The following GUCY1A2 variants were observed in gnomAD, a reference collection of about 807,000 sequenced individuals.
GUCY1A2 encodes the protein guanylate cyclase soluble subunit alpha-2.
In GUCY1A2, 27 loss-of-function variants were observed where a neutral mutation model predicts 63.5. The ratio of observed to expected loss-of-function variants is 0.43; its 90% CI spans 0.31 to 0.59. The LOEUF (loss-of-function observed/expected upper bound fraction) is 0.59, where lower values mean the gene tolerates loss of function less well. Ranked by LOEUF, GUCY1A2 falls within the 20% of genes least tolerant of loss-of-function variation. The pLI, the probability that GUCY1A2 is intolerant of heterozygous loss-of-function variation, is 0.11. For synonymous variants in GUCY1A2, 364 were observed against 343.5 expected (o/e 1.06, Z -0.66); for missense variants, 768 against 913.3 (o/e 0.84, Z 2.05).
At position 106,916,423 on chromosome 11, in the gene GUCY1A2, T is replaced by C. The variant is rs180880451; in HGVS notation, c.1206+23037A>G. On this transcript the variant is annotated intron_variant, in intron 4 of 7. Coordinates refer to ENST00000526355, the MANE Select transcript of GUCY1A2 (RefSeq NM_000855.3). ...CTATCTCATTTGGTTGTTGAGAGTA[T>C]TAAATATAAGTAAGAAATCAAAGCA... is the stretch of plus-strand genomic sequence containing the variant. 1.4e-5 allele frequency among the ~76,000 whole-genome samples: 2 copies of C among 145,434 alleles called. 1 individual carries two copies.
At chr11:106,948,166 T>C (rs1015892339) in intron 3 of GUCY1A2, among the ~76,000 whole-genome samples, 2 of 152,156 alleles carry the variant, frequency 1.3e-5, no homozygotes, top group African/African-American at 2.4e-5. Context: ...CTGCAAAGTT[T>C]TTAAAATATT....
chr11:106,913,371 GC>G (rs1860322615), intron 4 of GUCY1A2, among the ~76,000 whole-genome samples: 1 of 152,112 alleles, frequency 6.6e-6, no homozygotes. Context: ...AAGGAGAACT[GC>G]CATGTGCAGT....
intron 5 of GUCY1A2, among the ~76,000 whole-genome samples, chr11:106,786,271 A>T (rs570431130): frequency 0.014 from 2,119 of 152,024 alleles, 26 homozygotes; most frequent in Middle Eastern, 0.051. Context: ...TTCTTTCTTT[A>T]AAAAAAAATT....
At chr11:106,928,125 A>C (rs1361374548) in intron 4 of GUCY1A2, among the ~76,000 whole-genome samples, 2 of 152,316 alleles carry the variant, frequency 1.3e-5, no homozygotes, top group Admixed American at 1.3e-4. Context: ...ATGAAAATGC[A>C]AGCTGCCATA....
chr11:106,896,696 C>T (rs1052704728), intron 4 of GUCY1A2, among the ~76,000 whole-genome samples: 2 of 152,194 alleles, frequency 1.3e-5, no homozygotes, highest in South Asian at 4.1e-4. Context: ...CAGCATTCTT[C>T]TCCTCTCAAA....
intron 1 of GUCY1A2, among the ~76,000 whole-genome samples, chr11:107,008,876 T>G (rs891582954): frequency 3.3e-5 from 5 of 152,290 alleles, no homozygotes; most frequent in African/African-American, 1.2e-4. Context: ...AGCATAGACA[T>G]AAAGCAACAA....
At chr11:106,984,553 C>CA (rs1259936857) in intron 2 of GUCY1A2, among the ~76,000 whole-genome samples, 1 of 152,004 alleles carries the variant, frequency 6.6e-6, no homozygotes, top group Admixed American at 6.6e-5. Flanking sequence ...TACTTTAGTT[C>CA]AAAAATGAGA....
intron 4 of GUCY1A2, among the ~76,000 whole-genome samples, chr11:106,924,825 T>G (rs1434571439): frequency 3.3e-5 from 5 of 151,856 alleles, no homozygotes; most frequent in African/African-American, 1.2e-4. Flanking sequence ...GCCAACATGG[T>G]GAAACCCCAT....
intron 3 of GUCY1A2, among the ~76,000 whole-genome samples, chr11:106,971,440 G>C (rs1203371097): frequency 6.6e-6 from 1 of 152,028 alleles, no homozygotes; most frequent in Non-Finnish European, 1.5e-5. Flanking sequence ...CTGTATTTTA[G>C]TTGATAAAAT....
At chr11:106,802,990 C>A (rs61905198) in intron 5 of GUCY1A2, among the ~76,000 whole-genome samples, 1 of 152,024 alleles carries the variant, frequency 6.6e-6, no homozygotes, top group Admixed American at 6.6e-5. Context: ...AATTAAATAT[C>A]GATAGGGACA....
chr11:106,712,046 C>T (rs1018676990), intron 6 of GUCY1A2, among the ~76,000 whole-genome samples: 1 of 151,506 alleles, frequency 6.6e-6, no homozygotes, highest in Non-Finnish European at 1.5e-5. Flanking sequence ...GTTTGTTGAG[C>T]TCTTGGATCT....
At chr11:106,744,834 C>G (rs748061414) in intron 6 of GUCY1A2, among the ~76,000 whole-genome samples, 55 of 152,126 alleles carry the variant, frequency 3.6e-4, no homozygotes, top group Non-Finnish European at 2.1e-4. Flanking sequence ...TTGGTGGGTA[C>G]TCATGTTGTC....
chr11:106,842,485 CCTATATTT>C (rs1859213161), intron 4 of GUCY1A2, among the ~76,000 whole-genome samples: 1 of 152,000 alleles, frequency 6.6e-6, no homozygotes, highest in Admixed American at 6.6e-5. Context: ...ATTCTATATT[CCTATATTT>C]CTATAAGACT....
intron 4 of GUCY1A2, among the ~76,000 whole-genome samples, chr11:106,848,987 A>G (rs541806453): frequency 1.3e-5 from 2 of 151,788 alleles, no homozygotes; most frequent in African/African-American, 2.4e-5. Context: ...TCTATTTCAC[A>G]GAGCTACCAT....
chr11:106,924,841 C>A (rs1174129679), intron 4 of GUCY1A2, among the ~76,000 whole-genome samples: 1 of 151,808 alleles, frequency 6.6e-6, no homozygotes, highest in African/African-American at 2.4e-5. Flanking sequence ...CCCATCTCTA[C>A]AAAAAATACA....
At chr11:106,776,076 T>G (rs1240111597) in intron 6 of GUCY1A2, among the ~76,000 whole-genome samples, 1 of 152,120 alleles carries the variant, frequency 6.6e-6, no homozygotes, top group Non-Finnish European at 1.5e-5. Flanking sequence ...GGTCCTCCAT[T>G]TTCTTGCTTT....
chr11:107,008,672 G>A (rs1370933234), intron 1 of GUCY1A2, among the ~76,000 whole-genome samples: 1 of 152,102 alleles, frequency 6.6e-6, no homozygotes, highest in Non-Finnish European at 1.5e-5. Flanking sequence ...ATCTCAAAGA[G>A]GCAGAATAAA....
intron 4 of GUCY1A2, among the ~76,000 whole-genome samples, chr11:106,913,986 C>CAAAAAAAAAAA (rs11325847): frequency 2.0e-4 from 14 of 71,210 alleles, no homozygotes; most frequent in Admixed American, 3.2e-4. Context: ...AATGAAAAAG[C>CAAAAAAAAAAA]AAAAAAAAAA....
At chr11:106,958,444 T>C (rs1417251875) in intron 3 of GUCY1A2, among the ~76,000 whole-genome samples, 1 of 152,224 alleles carries the variant, frequency 6.6e-6, no homozygotes, top group Non-Finnish European at 1.5e-5. Context: ...CTAGTTCTAA[T>C]ATACCCTCAT....
Sources: gnomAD v4.1 joint callset for allele counts (sites outside exome capture counted in the v4.1 genomes callset) on GRCh38, gnomAD v4.1.1 for gene constraint, MANE v1.5 for transcripts, NCBI Gene and HGNC (gene_info 2026-07-23, HGNC 2026-07-21) for gene names.